The following HERC3 variants were observed in gnomAD, a reference collection of about 807,000 sequenced individuals.
HERC3 encodes the protein probable E3 ubiquitin-protein ligase HERC3.
A neutral mutation model predicts 129.9 loss-of-function variants in HERC3; 58 were observed. The observed-to-expected ratio is 0.45, with a 90% CI of 0.36 to 0.56. The LOEUF is 0.56. Ranked by LOEUF, HERC3 falls within the 20% of genes least tolerant of loss-of-function variation. HERC3 has a pLI of 0.00. For missense variants in HERC3, 835 were observed against 1,244.2 expected (o/e 0.67, Z 4.95); for synonymous variants, 430 against 451.0 (o/e 0.95, Z 0.59).
intron 10 of HERC3, among the ~76,000 whole-genome samples, chr4:88,661,890 G>A (rs1730525772): frequency 6.6e-6 from 1 of 152,188 alleles, no homozygotes; most frequent in African/African-American, 2.4e-5. Context: ...ATTTATGGCA[G>A]ATGACTAATA....
At chr4:88,686,626 T>C in intron 21 of HERC3, 110 bp from the exon 22 acceptor site, 1 of 686,320 alleles carries the variant, frequency 1.5e-6, no homozygotes, top group Non-Finnish European at 2.6e-6. Flanking sequence ...TTCCAGAATC[T>C]TCTTTCATAG....
At chr4:88,685,511 A>G (rs149940652) in intron 21 of HERC3, among the ~76,000 whole-genome samples, 2,524 of 152,228 alleles carry the variant, frequency 0.017, 80 homozygotes, top group African/African-American at 0.058. Context: ...AAAACCAAAC[A>G]CCGCATGTTC....
intron 3 of HERC3, among the ~76,000 whole-genome samples, chr4:88,626,900 G>C (rs915345976): frequency 2.0e-5 from 3 of 151,874 alleles, no homozygotes; most frequent in African/African-American, 7.3e-5. Context: ...TTCTGTTTCA[G>C]TGATTTTTGC....
chr4:88,646,772 T>A (rs994686245), intron 3 of HERC3, among the ~76,000 whole-genome samples: 1 of 152,192 alleles, frequency 6.6e-6, no homozygotes, highest in African/African-American at 2.4e-5. Context: ...GGATCATAGT[T>A]CCACAGTGAC....
the HERC3 span, among the ~76,000 whole-genome samples, chr4:88,535,437 C>G: frequency 6.6e-6 from 1 of 152,176 alleles, no homozygotes; most frequent in Non-Finnish European, 1.5e-5. Flanking sequence ...AATTCATAAA[C>G]TGAAAAATGT....
the HERC3 span, among the ~76,000 whole-genome samples, chr4:88,576,302 A>G: frequency 6.6e-6 from 1 of 152,178 alleles, no homozygotes; most frequent in African/African-American, 2.4e-5. Context: ...AGTGATCTGT[A>G]TAAAACCTTC....
Position 88,686,721 on chromosome 4 carries a change from T to G in HERC3, c.2508-15T>G. On this transcript the variant is annotated splice_polypyrimidine_tract_variant and intron_variant, in intron 21 of 25. Transcript: ENST00000402738. ...CTGACTTGCCACTTTTCCTTTTCTGTCATTCTATGATTAGGAGTCTCCAAG... is the reference window on the plus strand; with the variant it reads ...CTGACTTGCCACTTTTCCTTTTCTGGCATTCTATGATTAGGAGTCTCCAAG... The G allele has an allele frequency of 6.3e-7, 1 of 1,586,488 alleles. No homozygotes were observed. Among genetic ancestry groups the G allele is most frequent in the Non-Finnish European group, 8.7e-7 (1 of 1,155,350 alleles).
chr4:88,701,562 A>C (rs1313494209), intron 23 of HERC3, among the ~76,000 whole-genome samples: 1 of 152,210 alleles, frequency 6.6e-6, no homozygotes, highest in Non-Finnish European at 1.5e-5. Context: ...TAATGTGACA[A>C]ACATTTGTAT....
the HERC3 span, among the ~76,000 whole-genome samples, chr4:88,579,521 T>A: frequency 6.6e-6 from 1 of 152,140 alleles, no homozygotes; most frequent in Non-Finnish European, 1.5e-5. Context: ...TAAGTTTTAA[T>A]GAATATTTGT....
chr4:88,580,145 C>A, the HERC3 span, among the ~76,000 whole-genome samples: 1 of 152,078 alleles, frequency 6.6e-6, no homozygotes, highest in Admixed American at 6.6e-5. Context: ...AAATAAAAAA[C>A]GACAGTGTTT....
At chr4:88,543,187 T>A in the HERC3 span, among the ~76,000 whole-genome samples, 3 of 152,066 alleles carry the variant, frequency 2.0e-5, no homozygotes, top group South Asian at 6.2e-4. Context: ...ATTTAGAAGA[T>A]CCCCTCATCT....
upstream of HERC3, among the ~76,000 whole-genome samples, chr4:88,590,710 C>T (rs1210709815): frequency 6.6e-6 from 1 of 152,192 alleles, no homozygotes; most frequent in African/African-American, 2.4e-5. Context: ...TACCGGACTC[C>T]TTCGTCTTCC....
chr4:88,697,411 G>T, intron 23 of HERC3: 1 of 1,613,988 alleles, frequency 6.2e-7, no homozygotes, highest in Non-Finnish European at 8.5e-7. Flanking sequence ...GGCGAGTAGG[G>T]GCTTATAGAT....
At chr4:88,548,904 G>A in the HERC3 span, among the ~76,000 whole-genome samples, 2 of 151,954 alleles carry the variant, frequency 1.3e-5, no homozygotes, top group East Asian at 1.9e-4. Context: ...CTCGTGATCC[G>A]CCCTCATCAG....
intron 3 of HERC3, among the ~76,000 whole-genome samples, chr4:88,641,644 A>G (rs1728102248): frequency 6.6e-6 from 1 of 152,244 alleles, no homozygotes; most frequent in African/African-American, 2.4e-5. Flanking sequence ...CCCTGCAGAC[A>G]TTAAAAGCTT....
At chr4:88,568,829 C>A in the HERC3 span, among the ~76,000 whole-genome samples, 2 of 151,784 alleles carry the variant, frequency 1.3e-5, no homozygotes, top group Non-Finnish European at 2.9e-5. Context: ...TGAGCTGGTA[C>A]CCAAGTTGCA....
At chr4:88,632,629 C>T (rs1163228031) in intron 3 of HERC3, among the ~76,000 whole-genome samples, 2 of 152,184 alleles carry the variant, frequency 1.3e-5, no homozygotes, top group African/African-American at 4.8e-5. Context: ...GAGAAGCTCA[C>T]TGCATGGCCT....
At chr4:88,706,356 G>A (rs1405310117) in intron 25 of HERC3, among the ~76,000 whole-genome samples, 2 of 152,146 alleles carry the variant, frequency 1.3e-5, no homozygotes, top group African/African-American at 2.4e-5. Context: ...AAATGGAGAC[G>A]TGGAAAGGAG....
chr4:88,630,190 C>A (rs1017764708), intron 3 of HERC3, among the ~76,000 whole-genome samples: 1 of 152,066 alleles, frequency 6.6e-6, no homozygotes, highest in South Asian at 2.1e-4. Flanking sequence ...TGATATTGTA[C>A]CCTTGGAAAA....
Sources: gnomAD v4.1 joint callset for allele counts (sites outside exome capture counted in the v4.1 genomes callset) on GRCh38, gnomAD v4.1.1 for gene constraint, MANE v1.5 for transcripts, NCBI Gene and HGNC (gene_info 2026-07-23, HGNC 2026-07-21) for gene names.